MAN2A1: variants seen among roughly 807,000 people sequenced by gnomAD.
MAN2A1 encodes the protein mannosidase alpha class 2A member 1.
A neutral mutation model predicts 142.6 loss-of-function variants in MAN2A1; 76 were observed. The ratio of observed to expected loss-of-function variants is 0.53; its 90% CI spans 0.44 to 0.65. The LOEUF (loss-of-function observed/expected upper bound fraction) is 0.65, where lower values mean the gene tolerates loss of function less well. Ranked by LOEUF, MAN2A1 falls within the 30% of genes least tolerant of loss-of-function variation. The probability of loss-of-function intolerance (pLI) is 0.00; values close to 1 mark genes in which losing one functional copy is unlikely to be tolerated. For synonymous variants in MAN2A1, 559 were observed against 473.2 expected, an observed-to-expected ratio of 1.18 and a Z score of -2.35; for missense variants, 1,311 against 1,365.1, an observed-to-expected ratio of 0.96 and a Z score of 0.62.
At chr5:109,780,327 A>G (rs887092978) in intron 8 of MAN2A1, among the ~76,000 whole-genome samples, 3 of 152,054 alleles carry the variant, frequency 2.0e-5, no homozygotes, top group Middle Eastern at 3.4e-3. Context: ...CCAAAGTGCT[A>G]GGATTACAGG....
chr5:109,741,986 T>C (rs1414982191), intron 4 of MAN2A1, among the ~76,000 whole-genome samples: 1 of 152,228 alleles, frequency 6.6e-6, no homozygotes, highest in East Asian at 1.9e-4. Flanking sequence ...TTAAAACTTT[T>C]TAGGCTTCAC....
chr5:109,810,227 C>T (rs999084199), intron 12 of MAN2A1, among the ~76,000 whole-genome samples: 10 of 151,884 alleles, frequency 6.6e-5, no homozygotes, highest in Non-Finnish European at 1.2e-4. Context: ...TGTTTAGTCA[C>T]GTGGCTCTGT....
chr5:109,831,502 T>C (rs1754905081), intron 16 of MAN2A1, among the ~76,000 whole-genome samples: 4 of 152,260 alleles, frequency 2.6e-5, no homozygotes, highest in East Asian at 1.9e-4. Context: ...TTGTCCCTTA[T>C]ATATTTTTTA....
chr5:109,850,581 A>G (rs957551502), intron 19 of MAN2A1, among the ~76,000 whole-genome samples: 9 of 152,210 alleles, frequency 5.9e-5, no homozygotes, highest in East Asian at 5.8e-4. Context: ...CTAAATCTGC[A>G]TAGGAAAATC....
intron 4 of MAN2A1, among the ~76,000 whole-genome samples, chr5:109,751,042 C>A (rs911417315): frequency 1.3e-5 from 2 of 151,910 alleles, no homozygotes; most frequent in African/African-American, 4.8e-5. Flanking sequence ...CTATAGTCAC[C>A]CTACTCTGCT....
chr5:109,732,798 A>C (rs202245761), intron 4 of MAN2A1, among the ~76,000 whole-genome samples: 26,626 of 151,912 alleles, frequency 0.18, 3,283 homozygotes, highest in East Asian at 0.64. Context: ...AGGTAGTGTG[A>C]TGCCTCCAGC....
chr5:109,701,398 G>C (rs545783941), intron 1 of MAN2A1, among the ~76,000 whole-genome samples: 1 of 152,272 alleles, frequency 6.6e-6, no homozygotes, highest in African/African-American at 2.4e-5. Context: ...AGAGTAGTTG[G>C]GAAAACACTG....
At position 109,767,668 on chromosome 5, in the gene MAN2A1, A is replaced by G. The variant is rs1753030687; in HGVS notation, c.969A>G (p.Ala323=). Residue 323 remains alanine, a synonymous_variant, in exon 6 of 22, where the codon GCA becomes GCG. Coordinates refer to ENST00000261483, the MANE Select transcript of MAN2A1 (RefSeq NM_002372.4). ...RVHYAVKKHF[A]LHKTLEFFWR... is the part of the protein sequence containing the mutation. ...ATTATGCAGTTAAAAAACACTTTGC[A>G]CTGCATAAAACATTGGAGTTTTTTT... The G allele has an allele frequency of 1.9e-6, 3 of 1,613,264 alleles. No individual in the cohort carries two copies. The African/African-American group carries it at 4.0e-5, about 22-fold the overall frequency.
At position 109,818,908 on chromosome 5, in the gene MAN2A1, T is replaced by A. The variant is rs540876059; in HGVS notation, c.2110-761T>A. Among the ~76,000 whole-genome samples the A allele has an allele frequency of 1.9e-3, 291 of 152,324 alleles. 2 individuals carry two copies. Among genetic ancestry groups the A allele is most frequent in the African/African-American group, 6.4e-3 (264 of 41,566 alleles). On this transcript the variant is annotated intron_variant, in intron 13 of 21. Transcript: ENST00000261483. ...ATTGTTACACAGCCATGCCTTGGTA[T>A]CTGTAGAGGACTGGTCCCAGGACCC...
At chr5:109,848,576 T>A (rs1755400689) in intron 19 of MAN2A1, among the ~76,000 whole-genome samples, 1 of 152,016 alleles carries the variant, frequency 6.6e-6, no homozygotes, top group African/African-American at 2.4e-5. Flanking sequence ...TTCCCATCTC[T>A]CCTCCTGTTA....
intron 8 of MAN2A1, among the ~76,000 whole-genome samples, chr5:109,780,006 G>A (rs1172590071): frequency 6.6e-6 from 1 of 152,106 alleles, no homozygotes; most frequent in Non-Finnish European, 1.5e-5. Flanking sequence ...TCTTTGCAGT[G>A]AATAAGTGAT....
chr5:109,827,559 C>T (rs1420703627), intron 16 of MAN2A1, among the ~76,000 whole-genome samples: 2 of 152,150 alleles, frequency 1.3e-5, no homozygotes, highest in Non-Finnish European at 2.9e-5. Flanking sequence ...GTTCAACCTA[C>T]TTTTGTTTTT....
At chr5:109,767,865 G>C (rs17162179) in intron 6 of MAN2A1, among the ~76,000 whole-genome samples, 157 bp downstream of exon 6, 51,630 of 151,976 alleles carry the variant, frequency 0.34, 9,666 homozygotes, top group African/African-American at 0.51. Context: ...CCATGTGCCT[G>C]TGTCAAGATT....
intron 1 of MAN2A1, among the ~76,000 whole-genome samples, chr5:109,703,143 G>T (rs147787702): frequency 5.9e-5 from 9 of 152,310 alleles, no homozygotes; most frequent in African/African-American, 1.9e-4. Context: ...AGACATGTCA[G>T]TTGCATTTAT....
chr5:109,786,539 G>A (rs774799827), intron 10 of MAN2A1, among the ~76,000 whole-genome samples: 8 of 151,954 alleles, frequency 5.3e-5, no homozygotes, highest in Non-Finnish European at 7.4e-5. Flanking sequence ...GTAGAATTGC[G>A]TGTTAGAGAA....
At chr5:109,741,910 A>G (rs1193537185) in intron 4 of MAN2A1, among the ~76,000 whole-genome samples, 2 of 152,240 alleles carry the variant, frequency 1.3e-5, no homozygotes, top group African/African-American at 4.8e-5. Flanking sequence ...GCTGCCTTCC[A>G]TTAAATAATC....
At chr5:109,841,148 T>A (rs576779883) in intron 16 of MAN2A1, among the ~76,000 whole-genome samples, 2 of 152,220 alleles carry the variant, frequency 1.3e-5, no homozygotes, top group South Asian at 4.1e-4. Context: ...GCACCGTTTT[T>A]AAAAAAAATT....
intron 12 of MAN2A1, among the ~76,000 whole-genome samples, chr5:109,813,454 G>A (rs185722480): frequency 2.1e-3 from 313 of 152,286 alleles, no homozygotes; most frequent in Non-Finnish European, 3.6e-3. Context: ...GGCCTGTCTT[G>A]GCAACATTCC....
chr5:109,715,923 T>C (rs919933439), intron 2 of MAN2A1, among the ~76,000 whole-genome samples, 197 bp from the exon 3 acceptor site: 1 of 152,126 alleles, frequency 6.6e-6, no homozygotes, highest in African/African-American at 2.4e-5. Flanking sequence ...CAGGGTAGTT[T>C]TGTAGCACAA....
Sources: gnomAD v4.1 joint callset for allele counts (sites outside exome capture counted in the v4.1 genomes callset) on GRCh38, gnomAD v4.1.1 for gene constraint, MANE v1.5 for transcripts, NCBI Gene and HGNC (gene_info 2026-07-23, HGNC 2026-07-21) for gene names.